Variants in THSD7B observed in about 807,000 individuals in gnomAD.
THSD7B encodes thrombospondin type 1 domain containing 7B, also known as thrombospondin type-1 domain-containing protein 7B.
THSD7B carries 138 observed loss-of-function variants against 213.6 expected under a neutral mutation model. That is an observed-to-expected ratio of 0.65 (90% CI 0.56 to 0.74). The LOEUF (loss-of-function observed/expected upper bound fraction) is 0.74, where lower values mean the gene tolerates loss of function less well. Ranked by LOEUF, THSD7B falls within the 30% of genes least tolerant of loss-of-function variation. The pLI is 0.00. For synonymous variants in THSD7B, 742 were observed against 687.0 expected, an observed-to-expected ratio of 1.08 and a Z score of -1.25; for missense variants, 1,931 against 1,991.5, an observed-to-expected ratio of 0.97 and a Z score of 0.58.
chr2:137,310,728 G>A (rs1573952139), intron 12 of THSD7B, among the ~76,000 whole-genome samples: 1 of 152,036 alleles, frequency 6.6e-6, no homozygotes, highest in African/African-American at 2.4e-5. Flanking sequence ...CATATGGCTA[G>A]CCAGTTTTCC....
intron 7 of THSD7B, among the ~76,000 whole-genome samples, chr2:137,220,989 A>G (rs889803111): frequency 2.6e-5 from 4 of 152,178 alleles, no homozygotes; most frequent in Non-Finnish European, 4.4e-5. Flanking sequence ...AAGCAAAACT[A>G]TAGGGACAGG....
intron 2 of THSD7B, among the ~76,000 whole-genome samples, chr2:136,982,506 A>G (rs912258820): frequency 1.3e-5 from 2 of 152,158 alleles, no homozygotes; most frequent in Admixed American, 6.5e-5. Context: ...CCTCTTTTAT[A>G]TAAACTGTAG....
intron 7 of THSD7B, among the ~76,000 whole-genome samples, chr2:137,197,740 C>T (rs915447977): frequency 1.3e-5 from 2 of 152,184 alleles, no homozygotes; most frequent in Non-Finnish European, 2.9e-5. Flanking sequence ...GAAGCAGCAT[C>T]AGCATTCTCT....
chr2:137,562,039 A>G (rs1681129630), intron 15 of THSD7B, among the ~76,000 whole-genome samples: 1 of 152,126 alleles, frequency 6.6e-6, no homozygotes, highest in African/African-American at 2.4e-5. Flanking sequence ...ACTTTTTCTC[A>G]TTTGATTTTT....
chr2:136,994,535 C>A (rs554242843), intron 2 of THSD7B, among the ~76,000 whole-genome samples: 108 of 152,288 alleles, frequency 7.1e-4, no homozygotes, highest in Middle Eastern at 6.8e-3. Context: ...CCACTGCACT[C>A]CAGCCTGGGA....
At chr2:137,342,379 A>G (rs190903186) in intron 12 of THSD7B, among the ~76,000 whole-genome samples, 41 of 111,604 alleles carry the variant, frequency 3.7e-4, no homozygotes, top group African/African-American at 8.3e-4. Context: ...GTATTTGTTA[A>G]TTAGTTCTAA....
Position 137,554,436 on chromosome 2 carries a change from G to T in THSD7B, c.3139-8785G>T, listed in dbSNP as rs548946361. 9.8e-4 allele frequency among the ~76,000 whole-genome samples: 149 copies of T among 152,296 alleles called. 1 individual carries two copies. The highest frequency in any genetic ancestry group is 1.5e-3 in the Non-Finnish European group (105 of 68,022). ...TGGTTATGACCAGAAGCATATGTAT[G>T]CATGGAGAGGTCAAACTGTGTCTCT... On this transcript the variant is annotated intron_variant, in intron 15 of 27. Coordinates refer to ENST00000409968, the MANE Select transcript of THSD7B (RefSeq NM_001316349.2).
At chr2:136,991,785 T>A (rs1359624690) in intron 2 of THSD7B, among the ~76,000 whole-genome samples, 1 of 152,220 alleles carries the variant, frequency 6.6e-6, no homozygotes, top group Non-Finnish European at 1.5e-5. Flanking sequence ...TCACTTCTTT[T>A]CTTCAGATTC....
rs780276010 is a variant in THSD7B at position 137,170,874 on chromosome 2, C to T, written c.1659C>T (p.Phe553=). The T allele has an allele frequency of 2.5e-6, 4 of 1,613,546 alleles. No individual in the cohort carries two copies. The highest frequency in any genetic ancestry group is 2.5e-6 in the Non-Finnish European group (3 of 1,179,784). The change falls in exon 7 of 28, where the codon TTC becomes TTT. Residue 553 remains phenylalanine, a synonymous_variant. Coordinates refer to ENST00000409968, the MANE Select transcript of THSD7B (RefSeq NM_001316349.2). ...GGCTGGCATCAGAAGGGATCTGTTT[C>T]CCTGATCATGGAAAATGTGGCCTGG... ...YRWLASEGIC[F]PDHGKCGLGH...
intron 15 of THSD7B, among the ~76,000 whole-genome samples, chr2:137,516,311 C>T (rs1003223637): frequency 1.3e-5 from 2 of 152,186 alleles, no homozygotes; most frequent in Non-Finnish European, 2.9e-5. Context: ...ATCACTGATC[C>T]TCAATCAATT....
rs560392642 is a variant in THSD7B, at chr2:137,037,729, AT to A, written c.140-18683del. On this transcript the variant is annotated intron_variant, in intron 2 of 27. Transcript: ENST00000409968. ...CTGCATGAACAAATTGTATCTTAAT[AT>A]TTTTTTTCTCACATTTTCAACTGTG... is the stretch of plus-strand genomic sequence containing the variant. Among the ~76,000 whole-genome samples the A allele has an allele frequency of 6.2e-4, 95 of 152,040 alleles. No individual in the cohort carries two copies. In the South Asian group the frequency reaches 7.7e-3, roughly 12 times the overall value.
chr2:137,149,483 A>G (rs562439307), intron 5 of THSD7B, among the ~76,000 whole-genome samples: 55 of 152,288 alleles, frequency 3.6e-4, no homozygotes, highest in African/African-American at 1.2e-3. Context: ...AGTGAATCCC[A>G]TGAGCCTTCC....
At position 137,056,439 on chromosome 2, in the gene THSD7B, A is replaced by G. The variant is rs556517767; in HGVS notation, c.159A>G (p.Thr53=). The G allele has an allele frequency of 5.2e-5, 84 of 1,613,692 alleles. No individual in the cohort carries two copies. Among genetic ancestry groups the G allele is most frequent in the Admixed American group, 2.0e-4 (12 of 60,006 alleles). ...IWKPGPWGRC[T]GDCGPGGVQS... ...CTGTAGGTCCGTGGGGAAGGTGTACAGGAGACTGTGGTCCCGGAGGAGTCC... is the reference window on the plus strand; with the variant it reads ...CTGTAGGTCCGTGGGGAAGGTGTACGGGAGACTGTGGTCCCGGAGGAGTCC... The change falls in exon 3 of 28, where the codon ACA becomes ACG. Residue 53 remains threonine, a synonymous_variant. Coordinates refer to ENST00000409968, the MANE Select transcript of THSD7B (RefSeq NM_001316349.2).
rs545257967 is a variant in THSD7B, at chr2:137,482,543, C to A, written c.3138+31520C>A. Among the ~76,000 whole-genome samples the A allele has an allele frequency of 3.3e-5, 5 of 152,286 alleles. No individual in the cohort carries two copies. In the South Asian group the frequency reaches 1.0e-3, roughly 32 times the overall value. On this transcript the variant is annotated intron_variant, in intron 15 of 27. Transcript: ENST00000409968. ...CCCTACTGAGTAATCACAGAAAGTA[C>A]AGTACATGAAACATAGTTTGAAAAA... is the stretch of plus-strand genomic sequence containing the variant.
chr2:137,511,504 A>G lies in THSD7B; in HGVS notation c.3139-51717A>G, dbSNP rs565077207. Among the ~76,000 whole-genome samples, 19 of 152,334 alleles carry G rather than the reference A, an allele frequency of 1.2e-4. No individual in the cohort carries two copies. The East Asian group carries it at 1.5e-3, about 12-fold the overall frequency. ...TTTAATAGGCAGTTAAGTTCCCTGGACGTAAGTGGAAAATCTGCTGCTCTG... is the reference window on the plus strand; with the variant it reads ...TTTAATAGGCAGTTAAGTTCCCTGGGCGTAAGTGGAAAATCTGCTGCTCTG... On this transcript the variant is annotated intron_variant, in intron 15 of 27. Transcript: ENST00000409968.
At chr2:137,331,476 G>C (rs1195309330) in intron 12 of THSD7B, among the ~76,000 whole-genome samples, 1 of 152,186 alleles carries the variant, frequency 6.6e-6, no homozygotes, top group Non-Finnish European at 1.5e-5. Flanking sequence ...AGTGCTGATT[G>C]GTGTATTTAC....
chr2:136,810,930 A>T (rs372620991), intron 1 of THSD7B, among the ~76,000 whole-genome samples: 1 of 152,150 alleles, frequency 6.6e-6, no homozygotes, highest in African/African-American at 2.4e-5. Flanking sequence ...CTTGCACTGA[A>T]TGTGGGGTGG....
chr2:137,053,122 A>G (rs1687098114), intron 2 of THSD7B, among the ~76,000 whole-genome samples: 1 of 152,126 alleles, frequency 6.6e-6, no homozygotes, highest in East Asian at 1.9e-4. Context: ...GTGGGGAGTA[A>G]TTGTTTACAT....
In THSD7B at chr2:137,616,343, G is replaced by A. The variant is rs375542850; in HGVS notation, c.3565+27G>A. The A allele has an allele frequency of 9.2e-5, 147 of 1,602,310 alleles. No individual in the cohort carries two copies. The African/African-American group carries it at 1.0e-3, about 11-fold the overall frequency. ...TACAGTTAAAATCTATGACCTTGTC[G>A]TTCTCCCTGAACATTGACTAATGAG... On this transcript the variant is annotated intron_variant, in intron 18 of 27. Transcript: ENST00000409968.
Sources: gnomAD v4.1 joint callset for allele counts (sites outside exome capture counted in the v4.1 genomes callset) on GRCh38, gnomAD v4.1.1 for gene constraint, MANE v1.5 for transcripts, NCBI Gene and HGNC (gene_info 2026-07-23, HGNC 2026-07-21) for gene names.